Variants in GALNT13 observed in about 807,000 individuals in gnomAD.
The protein encoded by GALNT13 is polypeptide N-acetylgalactosaminyltransferase 13.
In GALNT13, 28 loss-of-function variants were observed where a neutral mutation model predicts 64.2. The observed-to-expected ratio is 0.44, with a 90% CI of 0.32 to 0.60. GALNT13 has a LOEUF of 0.60. Ranked by LOEUF, GALNT13 falls within the 20% of genes least tolerant of loss-of-function variation. The pLI is 0.05. For missense variants in GALNT13, 577 were observed against 669.8 expected, an observed-to-expected ratio of 0.86 and a Z score of 1.53; for synonymous variants, 214 against 224.6, an observed-to-expected ratio of 0.95 and a Z score of 0.42.
At chr2:153,229,521 C>A in the GALNT13 span, among the ~76,000 whole-genome samples, 1 of 152,110 alleles carries the variant, frequency 6.6e-6, no homozygotes, top group Admixed American at 6.5e-5. Flanking sequence ...CAGAGGAAAC[C>A]AATTGGATTT....
At chr2:153,893,117 A>C (rs1687659162) in intron 1 of GALNT13, among the ~76,000 whole-genome samples, 1 of 152,086 alleles carries the variant, frequency 6.6e-6, no homozygotes, top group Admixed American at 6.6e-5. Flanking sequence ...TTATAACTAC[A>C]TTTTGAACAG....
chr2:154,253,249 G>A (rs1478575036), intron 7 of GALNT13, among the ~76,000 whole-genome samples: 5 of 151,988 alleles, frequency 3.3e-5, no homozygotes, highest in Non-Finnish European at 7.4e-5. Flanking sequence ...ACTAAATTTG[G>A]CTGCCTCTTG....
chr2:153,893,690 T>A (rs953999339), intron 1 of GALNT13, among the ~76,000 whole-genome samples: 10 of 152,054 alleles, frequency 6.6e-5, no homozygotes, highest in African/African-American at 2.4e-4. Flanking sequence ...TAAATATTAT[T>A]TGGGACATTA....
At chr2:153,511,293 G>A in the GALNT13 span, among the ~76,000 whole-genome samples, 1 of 150,390 alleles carries the variant, frequency 6.6e-6, no homozygotes, top group Non-Finnish European at 1.5e-5. Context: ...AAAAAAAAAA[G>A]GGGCGGGGGT....
At chr2:153,816,908 G>A in the GALNT13 span, among the ~76,000 whole-genome samples, 1 of 152,174 alleles carries the variant, frequency 6.6e-6, no homozygotes, top group South Asian at 2.1e-4. Context: ...CACACGTTAT[G>A]CAGAGGAGAG....
intron 12 of GALNT13, among the ~76,000 whole-genome samples, chr2:154,439,519 C>T (rs755746073): frequency 1.3e-5 from 2 of 152,088 alleles, no homozygotes; most frequent in East Asian, 3.9e-4. Flanking sequence ...AACTAAACTT[C>T]GTTCTGCTTA....
the GALNT13 span, among the ~76,000 whole-genome samples, chr2:153,342,266 T>C: frequency 6.6e-6 from 1 of 152,210 alleles, no homozygotes; most frequent in African/African-American, 2.4e-5. Context: ...AAATATCTCT[T>C]CTGGTCTGTG....
the GALNT13 span, among the ~76,000 whole-genome samples, chr2:153,165,541 T>A: frequency 6.6e-6 from 1 of 152,244 alleles, no homozygotes; most frequent in South Asian, 2.1e-4. Context: ...AAATATCTTT[T>A]TAGTAAGCAA....
chr2:154,414,047 G>A (rs1327114772), intron 11 of GALNT13, among the ~76,000 whole-genome samples: 1 of 151,818 alleles, frequency 6.6e-6, no homozygotes, highest in Non-Finnish European at 1.5e-5. Context: ...TACAATATTT[G>A]TAAATGTTCA....
the GALNT13 span, among the ~76,000 whole-genome samples, chr2:153,086,784 C>T: frequency 7.9e-5 from 12 of 151,140 alleles, no homozygotes; most frequent in South Asian, 2.1e-4. Context: ...TTCTTAGCTC[C>T]ATCACTGTTG....
In GALNT13 at chr2:154,160,724, A is replaced by G. The variant is rs150699197; in HGVS notation, c.311+20219A>G. Among the ~76,000 whole-genome samples the G allele has an allele frequency of 5.9e-5, 9 of 152,302 alleles. No individual in the cohort carries two copies. The East Asian group carries it at 1.4e-3, about 23-fold the overall frequency. ...AACCTCTGAAAATACATGTTTTAAG[A>G]TTCCCATCACTTGGCTTAAGAGATA... On this transcript the variant is annotated intron_variant, in intron 4 of 12. Coordinates refer to ENST00000392825, the MANE Select transcript of GALNT13 (RefSeq NM_052917.4).
chr2:154,234,972 G>A (rs1010400947), intron 4 of GALNT13, among the ~76,000 whole-genome samples: 2 of 152,160 alleles, frequency 1.3e-5, no homozygotes, highest in East Asian at 1.9e-4. Flanking sequence ...GAAGGGGGCC[G>A]TATATTCTAA....
the GALNT13 span, among the ~76,000 whole-genome samples, chr2:153,755,974 A>G: frequency 6.6e-6 from 1 of 152,142 alleles, no homozygotes; most frequent in African/African-American, 2.4e-5. Context: ...ATTCTCCGCA[A>G]CATTTTCAAC....
the GALNT13 span, among the ~76,000 whole-genome samples, chr2:153,281,998 C>T: frequency 1.7e-3 from 251 of 152,054 alleles, 7 homozygotes; most frequent in East Asian, 0.043. Flanking sequence ...AATGTGTTTT[C>T]TAAGCCATTT....
At chr2:153,693,832 C>T in the GALNT13 span, among the ~76,000 whole-genome samples, 7 of 152,056 alleles carry the variant, frequency 4.6e-5, no homozygotes, top group South Asian at 4.2e-4. Flanking sequence ...ATAAAGCAAT[C>T]GGCTGGGCGC....
At chr2:154,404,736 T>A (rs1014587075) in intron 10 of GALNT13, among the ~76,000 whole-genome samples, 1 of 151,998 alleles carries the variant, frequency 6.6e-6, no homozygotes, top group Non-Finnish European at 1.5e-5. Flanking sequence ...CTTTGGGGAA[T>A]AAAGCCCAAC....
the GALNT13 span, among the ~76,000 whole-genome samples, chr2:153,807,379 T>C: frequency 2.0e-5 from 3 of 152,058 alleles, no homozygotes; most frequent in African/African-American, 7.2e-5. Context: ...AAAATATGTC[T>C]AAGCTACATT....
chr2:154,089,194 T>C (rs1399521652), intron 3 of GALNT13, among the ~76,000 whole-genome samples: 1 of 152,114 alleles, frequency 6.6e-6, no homozygotes, highest in Non-Finnish European at 1.5e-5. Context: ...TCTGTTCTTA[T>C]GGACTGCCTA....
intron 8 of GALNT13, among the ~76,000 whole-genome samples, chr2:154,294,392 A>G (rs1029331138): frequency 7.2e-5 from 11 of 152,234 alleles, no homozygotes; most frequent in African/African-American, 2.2e-4. Flanking sequence ...ATCTTTGCCA[A>G]TTAAGATGGA....
Sources: allele counts gnomAD v4.1 joint callset (sites outside exome capture counted in the v4.1 genomes callset), GRCh38; gene constraint gnomAD v4.1.1; transcripts MANE v1.5; gene names NCBI Gene and HGNC (gene_info 2026-07-23, HGNC 2026-07-21).